The following CELF4 variants were observed in gnomAD, a reference collection of about 807,000 sequenced individuals.
The protein encoded by CELF4 is CUGBP Elav-like family member 4.
CELF4 carries 18 observed loss-of-function variants against 59.9 expected under a neutral mutation model. That is an observed-to-expected ratio of 0.30 (90% CI 0.21 to 0.45). The LOEUF is 0.45. Among genes scored for constraint, CELF4 ranks in the 20% least tolerant of loss-of-function variants. The pLI is 1.00. For synonymous variants in CELF4, 261 were observed against 267.1 expected (o/e 0.98, Z 0.22); for missense variants, 456 against 689.0 (o/e 0.66, Z 3.79).
At chr18:37,323,303 A>T (rs961462156) in intron 2 of CELF4, among the ~76,000 whole-genome samples, 3 of 152,126 alleles carry the variant, frequency 2.0e-5, no homozygotes, top group Non-Finnish European at 4.4e-5. Context: ...GTCATTGTTC[A>T]CCACCAGGTC....
chr18:37,314,199 C>A (rs181409883), intron 3 of CELF4, among the ~76,000 whole-genome samples: 47 of 152,326 alleles, frequency 3.1e-4, no homozygotes, highest in Non-Finnish European at 6.2e-4. Context: ...ATAATCCCAG[C>A]ACTTTGGGAA....
At chr18:37,319,128 G>T (rs543322840) in intron 3 of CELF4, among the ~76,000 whole-genome samples, 3 of 152,312 alleles carry the variant, frequency 2.0e-5, no homozygotes, top group African/African-American at 7.2e-5. Flanking sequence ...CCTCCTGGCC[G>T]GGCCGTGTGA....
At chr18:37,372,024 T>C (rs991095098) in intron 2 of CELF4, among the ~76,000 whole-genome samples, 1 of 152,226 alleles carries the variant, frequency 6.6e-6, no homozygotes, top group Admixed American at 6.5e-5. Flanking sequence ...TACTTTTACA[T>C]TGTTGGTGGG....
At chr18:37,519,588 G>T (rs1362374074) in intron 1 of CELF4, among the ~76,000 whole-genome samples, 1 of 152,230 alleles carries the variant, frequency 6.6e-6, no homozygotes, top group Non-Finnish European at 1.5e-5. Flanking sequence ...GTGTTCGTCA[G>T]TCTGCAGCAG....
At chr18:37,514,543 A>G (rs572408023) in intron 1 of CELF4, among the ~76,000 whole-genome samples, 340 of 152,308 alleles carry the variant, frequency 2.2e-3, no homozygotes, top group African/African-American at 7.5e-3. Flanking sequence ...AAGCAGACAC[A>G]TGAACAGACA....
intron 3 of CELF4, among the ~76,000 whole-genome samples, chr18:37,309,388 A>C (rs1361841121): frequency 6.6e-6 from 1 of 152,172 alleles, no homozygotes; most frequent in Non-Finnish European, 1.5e-5. Flanking sequence ...TGTAAGGCTC[A>C]AGGCACTCTT....
At position 37,253,288 on chromosome 18, in the gene CELF4, A is replaced by G. The variant is rs1039229086; in HGVS notation, c.*44+479T>C. ...TCTTCACTGAGCTATGGGGAAAGAC[A>G]GGGGTGCAGGGGTCAAGTGTCTAAA... On this transcript the variant is annotated intron_variant, in intron 12 of 12. Transcript: ENST00000420428. The surrounding 1 kb of genome is among the most constrained non-coding windows in gnomAD (Gnocchi z 4.5). 7.2e-5 allele frequency among the ~76,000 whole-genome samples: 11 copies of G among 152,180 alleles called. No homozygotes were observed. Among genetic ancestry groups the G allele is most frequent in the Non-Finnish European group, 1.5e-5 (1 of 68,022 alleles).
chr18:37,445,433 C>T lies in CELF4; in HGVS notation c.369+40092G>A, dbSNP rs150171510. Reference sequence around the variant, plus strand: ...GTCCCTGAGGGGTGTCTGGGGCCTGCAGCTGGGGTCTGGGGTCGGTAGTCA... The same window carrying T: ...GTCCCTGAGGGGTGTCTGGGGCCTGTAGCTGGGGTCTGGGGTCGGTAGTCA... On this transcript the variant is annotated intron_variant, in intron 2 of 12. Coordinates refer to ENST00000420428, the MANE Select transcript of CELF4 (RefSeq NM_020180.4). Among the ~76,000 whole-genome samples the T allele has an allele frequency of 5.6e-4, 85 of 152,084 alleles. 2 individuals are homozygous for T. The highest frequency in any genetic ancestry group is 2.0e-3 in the African/African-American group (81 of 41,496).
chr18:37,440,897 C>T (rs1158245780), intron 2 of CELF4, among the ~76,000 whole-genome samples: 1 of 152,190 alleles, frequency 6.6e-6, no homozygotes. Context: ...ATGGAGATAA[C>T]AATTCTCCCC....
intron 1 of CELF4, among the ~76,000 whole-genome samples, chr18:37,563,362 T>A (rs906240517): frequency 6.6e-6 from 1 of 152,166 alleles, no homozygotes; most frequent in African/African-American, 2.4e-5. Flanking sequence ...AGTTCTGATT[T>A]TTTTAACTTT....
chr18:37,494,134 T>C (rs2099922173), intron 1 of CELF4, among the ~76,000 whole-genome samples: 1 of 152,206 alleles, frequency 6.6e-6, no homozygotes. Context: ...CTCAGAGGGT[T>C]AAAGAACCAG....
At chr18:37,460,888 C>G (rs1030427791) in intron 2 of CELF4, among the ~76,000 whole-genome samples, 1 of 152,140 alleles carries the variant, frequency 6.6e-6, no homozygotes, top group South Asian at 2.1e-4. Context: ...AGGTGGGTCT[C>G]TTAAGGTTTG....
At chr18:37,431,080 G>A (rs1156304025) in intron 2 of CELF4, among the ~76,000 whole-genome samples, 3 of 152,210 alleles carry the variant, frequency 2.0e-5, no homozygotes, top group Non-Finnish European at 4.4e-5. Context: ...GTGGTTGGGT[G>A]TTGTGGGTGA....
Position 37,244,582 on chromosome 18 carries a change from TG to T in CELF4, c.*659del, listed in dbSNP as rs2061405860. On this transcript the variant is annotated 3_prime_UTR_variant, in exon 13 of 13. Coordinates refer to ENST00000420428, the MANE Select transcript of CELF4 (RefSeq NM_020180.4). ...TTTTTTTGTTGTTTTTTTTGTTTTT[TG>T]TTTTTTTTTTAATTTTTTATTACAT... 2 of 152,394 alleles carry T rather than the reference TG, an allele frequency of 1.3e-5. No homozygotes were observed. Among genetic ancestry groups the T allele is most frequent in the Admixed American group, 6.6e-5 (1 of 15,264 alleles). The allele number at this position is 152,394 out of a possible 1,614,324, so 9.4% of individuals were successfully genotyped here. A position where few individuals can be genotyped will look rare whatever the true frequency, so the allele number is the denominator to read the frequency against.
Position 37,463,944 on chromosome 18 carries a change from C to T in CELF4, c.369+21581G>A, listed in dbSNP as rs139319808. On this transcript the variant is annotated intron_variant, in intron 2 of 12. Transcript: ENST00000420428. The stretch of plus-strand genomic sequence containing the variant: ...GGCCTTCCTTGGTTTATGGTAATGG[C>T]GCCCTCCTGTCCCCTCTCCCTCATG... Among the ~76,000 whole-genome samples the T allele has an allele frequency of 4.0e-3, 601 of 152,086 alleles. 4 individuals carry two copies. Among genetic ancestry groups the T allele is most frequent in the Middle Eastern group, 0.037 (11 of 294 alleles).
intron 3 of CELF4, among the ~76,000 whole-genome samples, chr18:37,304,876 A>C (rs1386972314): frequency 6.6e-6 from 1 of 152,114 alleles, no homozygotes; most frequent in Non-Finnish European, 1.5e-5. Flanking sequence ...GAGGGTCCAG[A>C]AGGGAGGGGG....
intron 2 of CELF4, among the ~76,000 whole-genome samples, chr18:37,438,257 AGAGTGG>A (rs1265826676): frequency 1.7e-4 from 26 of 152,188 alleles, no homozygotes; most frequent in African/African-American, 6.3e-4. Context: ...CTGTCAGTGA[AGAGTGG>A]GTTGGTTCCA....
intron 3 of CELF4, among the ~76,000 whole-genome samples, chr18:37,294,393 G>A (rs566431771): frequency 7.2e-5 from 11 of 152,286 alleles, no homozygotes; most frequent in African/African-American, 2.6e-4. Context: ...CCAGCTCTGA[G>A]TTACTCTGGG....
At chr18:37,302,385 C>T (rs8083589) in intron 3 of CELF4, among the ~76,000 whole-genome samples, 58,399 of 152,100 alleles carry the variant, frequency 0.38, 11,267 homozygotes, top group South Asian at 0.49. Flanking sequence ...CTGCCTCTGT[C>T]CCCTGATCAT....
Sources: allele counts gnomAD v4.1 joint callset (sites outside exome capture counted in the v4.1 genomes callset), GRCh38; gene constraint gnomAD v4.1.1; non-coding constraint Gnocchi (gnomAD v3.1); transcripts MANE v1.5; gene names NCBI Gene and HGNC (gene_info 2026-07-23, HGNC 2026-07-21).